SV2C: variants seen among roughly 807,000 people sequenced by gnomAD.
SV2C encodes solute carrier family 22 member B3.
SV2C carries 49 observed loss-of-function variants against 79.7 expected under a neutral mutation model. The ratio of observed to expected loss-of-function variants is 0.61; its 90% CI spans 0.49 to 0.78. The LOEUF (loss-of-function observed/expected upper bound fraction) is 0.78, where lower values mean the gene tolerates loss of function less well. Ranked by LOEUF, SV2C falls within the 30% of genes least tolerant of loss-of-function variation. SV2C has a pLI of 0.00. For synonymous variants in SV2C, 334 were observed against 333.2 expected, an observed-to-expected ratio of 1.00 and a Z score of -0.03; for missense variants, 833 against 912.9, an observed-to-expected ratio of 0.91 and a Z score of 1.13.
At chr5:75,952,782 G>C in the SV2C span, among the ~76,000 whole-genome samples, 37,294 of 151,706 alleles carry the variant, frequency 0.25, 5,636 homozygotes, top group Non-Finnish European at 0.35. Context: ...CCAATTAAAT[G>C]TTTTCTTTAT....
chr5:76,167,949 A>C (rs528431916), intron 2 of SV2C, among the ~76,000 whole-genome samples: 89 of 152,292 alleles, frequency 5.8e-4, no homozygotes, highest in African/African-American at 2.1e-3. Flanking sequence ...TAGAGACAAA[A>C]TTCATGGAAT....
At chr5:76,060,633 G>T in the SV2C span, among the ~76,000 whole-genome samples, 3 of 152,098 alleles carry the variant, frequency 2.0e-5, no homozygotes, top group Non-Finnish European at 4.4e-5. Flanking sequence ...GTTGTGGCTG[G>T]TTTGATTTTT....
intron 1 of SV2C, among the ~76,000 whole-genome samples, chr5:76,094,504 GT>G: frequency 6.6e-6 from 1 of 151,938 alleles, no homozygotes; most frequent in South Asian, 2.1e-4. Flanking sequence ...TCAATTCTTT[GT>G]CATTGCTGAA....
chr5:75,945,422 C>A, the SV2C span, among the ~76,000 whole-genome samples: 1 of 151,794 alleles, frequency 6.6e-6, no homozygotes, highest in Non-Finnish European at 1.5e-5. Context: ...AGTGATCCTC[C>A]CACCTCAGCC....
chr5:76,276,642 T>TC (rs1747031040), intron 4 of SV2C, among the ~76,000 whole-genome samples: 1 of 151,086 alleles, frequency 6.6e-6, no homozygotes, highest in Non-Finnish European at 1.5e-5. Context: ...CTTTTTCTTT[T>TC]TTTTTTTTTT....
At chr5:76,081,969 C>T (rs1337137571), upstream of SV2C, 1 of 152,304 alleles carries the variant, frequency 6.6e-6, no homozygotes, top group African/African-American at 2.4e-5. Flanking sequence ...TATTTCTATC[C>T]ACACAGCGTT....
At chr5:75,911,152 G>A in the SV2C span, 1 of 1,588,648 alleles carries the variant, frequency 6.3e-7, no homozygotes, top group Non-Finnish European at 8.6e-7. Context: ...GGAAGGATCT[G>A]AAGCAAGCTC....
chr5:76,105,301 A>C (rs1415520287), intron 1 of SV2C, among the ~76,000 whole-genome samples: 1 of 152,136 alleles, frequency 6.6e-6, no homozygotes, highest in Non-Finnish European at 1.5e-5. Context: ...CTTCCACACT[A>C]TCAGAGGACA....
At chr5:76,196,048 CG>C (rs1314231976) in intron 3 of SV2C, among the ~76,000 whole-genome samples, 7 of 151,826 alleles carry the variant, frequency 4.6e-5, no homozygotes, top group Admixed American at 4.6e-4. Flanking sequence ...ATGAGGGAAA[CG>C]GGGCTGGGTT....
At chr5:75,929,443 A>G in the SV2C span, among the ~76,000 whole-genome samples, 5 of 152,014 alleles carry the variant, frequency 3.3e-5, no homozygotes, top group South Asian at 2.1e-4. Context: ...TCTGGCCTCT[A>G]TGGCCTCTAG....
At chr5:75,883,256 G>GTGGGAC in the SV2C span, among the ~76,000 whole-genome samples, 2 of 132,136 alleles carry the variant, frequency 1.5e-5, no homozygotes, top group African/African-American at 3.4e-5. Context: ...CTGTAAACTA[G>GTGGGAC]TTCAACCATT....
chr5:75,980,093 A>T, the SV2C span, among the ~76,000 whole-genome samples: 1 of 152,210 alleles, frequency 6.6e-6, no homozygotes, highest in Non-Finnish European at 1.5e-5. Flanking sequence ...GAACATATCT[A>T]TGCACATAAA....
chr5:75,856,464 G>C, the SV2C span, among the ~76,000 whole-genome samples: 44,102 of 152,062 alleles, frequency 0.29, 10,390 homozygotes, highest in African/African-American at 0.65. Flanking sequence ...ATATAATGCT[G>C]TCTTTTGGAT....
At chr5:76,352,296 C>T (rs192363906) in intron 12 of SV2C, among the ~76,000 whole-genome samples, 2 of 152,270 alleles carry the variant, frequency 1.3e-5, no homozygotes, top group African/African-American at 2.4e-5. Flanking sequence ...TGAACGTAAG[C>T]AACTCCATCC....
At chr5:76,018,916 G>A in the SV2C span, among the ~76,000 whole-genome samples, 1,269 of 152,270 alleles carry the variant, frequency 8.3e-3, 27 homozygotes, top group African/African-American at 0.029. Flanking sequence ...GTGCTGGGTC[G>A]ATATAAAACG....
chr5:75,854,201 T>C, the SV2C span, among the ~76,000 whole-genome samples: 1 of 152,220 alleles, frequency 6.6e-6, no homozygotes, highest in Non-Finnish European at 1.5e-5. Context: ...TTCACATATA[T>C]GTACTTCATT....
intron 3 of SV2C, among the ~76,000 whole-genome samples, chr5:76,208,139 G>A (rs916200386): frequency 6.6e-6 from 1 of 152,140 alleles, no homozygotes; most frequent in African/African-American, 2.4e-5. Context: ...CCTAAAGTTT[G>A]TGAATTTTAA....
At chr5:75,979,349 C>T in the SV2C span, among the ~76,000 whole-genome samples, 3 of 151,920 alleles carry the variant, frequency 2.0e-5, no homozygotes, top group East Asian at 5.8e-4. Context: ...CAGAAATATT[C>T]ATGACCTGAA....
Position 76,300,951 on chromosome 5 carries a change from G to A in SV2C, c.1840+19G>A, listed in dbSNP as rs1747974480. On this transcript the variant is annotated intron_variant, in intron 11 of 12. Coordinates refer to ENST00000502798, the MANE Select transcript of SV2C (RefSeq NM_014979.4). ...ATGCTAGGTATGTACTCAGTTTCATGTCAAATAAAAGAGCTGCCCCTGCAA... is the reference window on the plus strand; with the variant it reads ...ATGCTAGGTATGTACTCAGTTTCATATCAAATAAAAGAGCTGCCCCTGCAA... 1.9e-6 allele frequency: 3 copies of A among 1,613,056 alleles called. No homozygotes were observed. In the East Asian group the frequency reaches 6.7e-5, roughly 36 times the overall value.
Sources: gnomAD v4.1 joint callset for allele counts (sites outside exome capture counted in the v4.1 genomes callset) on GRCh38, gnomAD v4.1.1 for gene constraint, MANE v1.5 for transcripts, NCBI Gene and HGNC (gene_info 2026-07-23, HGNC 2026-07-21) for gene names.